UNC13A: variants seen among roughly 807,000 people sequenced by gnomAD.
The protein encoded by UNC13A is unc-13 homolog A, also known as protein unc-13 homolog A.
In UNC13A, 61 loss-of-function variants were observed where a neutral mutation model predicts 219.7. The observed-to-expected ratio is 0.28, with a 90% confidence interval of 0.23 to 0.34. UNC13A has a LOEUF of 0.34. UNC13A is among the 10% of genes least tolerant of loss of function. UNC13A has a pLI of 1.00. For missense variants in UNC13A, 1,476 were observed against 2,270.3 expected (o/e 0.65, Z 7.11); for synonymous variants, 920 against 884.6 (o/e 1.04, Z -0.71).
rs139711761 is a variant in UNC13A, at chr19:17,646,145, C to T, written c.2045-34G>A. On this transcript the variant is annotated intron_variant, in intron 17 of 43. Coordinates refer to ENST00000519716, the MANE Select transcript of UNC13A (RefSeq NM_001080421.3). ...CACAGAGGGCATACACAGGTGTGCA[C>T]TCAAGAAGCGAGGCATGCTGGGGAC... 9.0e-4 allele frequency: 1,442 copies of T among 1,610,018 alleles called. 11 individuals carry two copies. The African/African-American group carries it at 0.017, about 19-fold the overall frequency.
At chr19:17,613,542 C>T (rs543402505) in intron 41 of UNC13A, among the ~76,000 whole-genome samples, 1 of 152,218 alleles carries the variant, frequency 6.6e-6, no homozygotes, top group African/African-American at 2.4e-5. Flanking sequence ...CCTCTCCCCA[C>T]TCACCCCATT....
chr19:17,609,849 T>G (rs1371830279), intron 43 of UNC13A, 91 bp downstream of exon 43: 33 of 1,566,160 alleles, frequency 2.1e-5, no homozygotes, highest in Non-Finnish European at 2.9e-5. Context: ...GGGCCCAGAT[T>G]CCAGATACCT....
At position 17,666,732 on chromosome 19, in the gene UNC13A, C is replaced by T. The variant is rs765561925; in HGVS notation, c.469-28G>A. 1.7e-5 allele frequency: 25 copies of T among 1,488,532 alleles called. No individual in the cohort carries two copies. In the Admixed American group the frequency reaches 5.4e-4, roughly 32 times the overall value. The allele number at this position is 1,488,532 out of a possible 1,614,324, so 92.2% of individuals were successfully genotyped here. The stretch of plus-strand genomic sequence containing the variant: ...GAAGGGGTGGAGGAAGGAGAAAGGG[C>T]TTCTCTCAGAGGGGCCAAAGGCCAG... On this transcript the variant is annotated intron_variant, in intron 6 of 43. Coordinates refer to ENST00000519716, the MANE Select transcript of UNC13A (RefSeq NM_001080421.3).
Position 17,630,768 on chromosome 19 carries a change from G to T in UNC13A, c.3429-18C>A. On this transcript the variant is annotated intron_variant, in intron 28 of 43. Transcript: ENST00000519716. ...CAAACCATCTGGAATGAAGAGCCGGGGTGGGGCTCTGCCACCTCTTGTCCT... is the reference window on the plus strand; with the variant it reads ...CAAACCATCTGGAATGAAGAGCCGGTGTGGGGCTCTGCCACCTCTTGTCCT... 6.2e-7 allele frequency: 1 copy of T among 1,607,956 alleles called. No homozygotes were observed. The highest frequency in any genetic ancestry group is 8.5e-7 in the Non-Finnish European group (1 of 1,175,234).
chr19:17,623,253 C>G, intron 36 of UNC13A: 2 of 426,388 alleles, frequency 4.7e-6, no homozygotes, highest in Non-Finnish European at 8.3e-6. Context: ...TACCCTTAGA[C>G]GGCAGGTCCG....
At chr19:17,618,524 C>T (rs1555777193) in intron 39 of UNC13A, 23 bp from the exon 40 acceptor site, 1 of 1,572,692 alleles carries the variant, frequency 6.4e-7, no homozygotes, top group Non-Finnish European at 8.6e-7. Flanking sequence ...GGAGAGGGGC[C>T]ATGTGGGTGG....
In UNC13A at chr19:17,624,964, G is replaced by C. The variant is rs1341628990; in HGVS notation, c.4074-12C>G. On this transcript the variant is annotated splice_polypyrimidine_tract_variant and intron_variant, in intron 34 of 43. Transcript: ENST00000519716. ...CAAAGAGGGTCAGGCTGGGGACGAG[G>C]GGCAGGTCTGAGAGAGGGCCCAGCT... is the stretch of plus-strand genomic sequence containing the variant. 4.3e-6 allele frequency: 7 copies of C among 1,611,050 alleles called. No homozygotes were observed. The East Asian group carries it at 1.3e-4, about 31-fold the overall frequency.
intron 40 of UNC13A, 75 bp from the exon 41 acceptor site, chr19:17,617,924 G>A: frequency 6.4e-7 from 1 of 1,561,784 alleles, no homozygotes; most frequent in Non-Finnish European, 8.7e-7. Flanking sequence ...TAGCCCTGCT[G>A]TCCCCACTCC....
chr19:17,627,649 C>T lies in UNC13A; in HGVS notation c.3832-52G>A. 2.0e-6 allele frequency: 3 copies of T among 1,465,836 alleles called. No individual in the cohort carries two copies. Among genetic ancestry groups the T allele is most frequent in the South Asian group, 1.2e-5 (1 of 82,784 alleles). 90.8% of individuals were successfully genotyped at this position (1,465,836 alleles called of 1,614,324 possible). On this transcript the variant is annotated intron_variant, in intron 32 of 43. Coordinates refer to ENST00000519716, the MANE Select transcript of UNC13A (RefSeq NM_001080421.3). The surrounding 1 kb of genome is among the most constrained non-coding windows in gnomAD (Gnocchi z 4.7). ...CAGGTTCAGTAAGTATCCACATGTA[C>T]TGGGCATTTTCTCATCTGACCCAGG... is the stretch of plus-strand genomic sequence containing the variant.
intron 1 of UNC13A, among the ~76,000 whole-genome samples, chr19:17,686,391 G>T (rs1268344198): frequency 6.6e-6 from 1 of 151,298 alleles, no homozygotes; most frequent in East Asian, 2.0e-4. Context: ...ATGCTGGGGG[G>T]AGAAGAGAGA....
At position 17,672,361 on chromosome 19, in the gene UNC13A, G is replaced by A. The variant is rs995580586; in HGVS notation, c.270+17C>T. 2 of 1,609,898 alleles carry A rather than the reference G, an allele frequency of 1.2e-6. No homozygotes were observed. ...AGGCACTCCTCCTTCTTCACCCTCAGGCCACCCGCCACTCACCTCATTGGA... is the reference window on the plus strand; with the variant it reads ...AGGCACTCCTCCTTCTTCACCCTCAAGCCACCCGCCACTCACCTCATTGGA... On this transcript the variant is annotated intron_variant, in intron 4 of 43. Coordinates refer to ENST00000519716, the MANE Select transcript of UNC13A (RefSeq NM_001080421.3).
In UNC13A at chr19:17,649,401, A is replaced by G; in HGVS notation, c.1519-57T>C. The stretch of plus-strand genomic sequence containing the variant: ...AATCAGACTACATTAGTCTCAGAGA[A>G]TGCCTAGCTGGCCCCCAACCCCAGG... On this transcript the variant is annotated intron_variant, in intron 13 of 43. Transcript: ENST00000519716. This position sits in a 1 kb window ranked among gnomAD's most constrained non-coding sequence, Gnocchi z 4.4. The G allele has an allele frequency of 6.2e-7, 1 of 1,612,974 alleles. No homozygotes were observed. The highest frequency in any genetic ancestry group is 8.5e-7 in the Non-Finnish European group (1 of 1,179,674).
intron 8 of UNC13A, among the ~76,000 whole-genome samples, chr19:17,659,373 GTGGAGATTGC>G (rs1159286748): frequency 3.3e-5 from 5 of 152,108 alleles, no homozygotes; most frequent in African/African-American, 1.2e-4. Flanking sequence ...AACCCAGGAG[GTGGAGATTGC>G]TGTGAGCCAA....
At chr19:17,643,190 T>C (rs939238861) in intron 19 of UNC13A, among the ~76,000 whole-genome samples, 1 of 152,112 alleles carries the variant, frequency 6.6e-6, no homozygotes, top group African/African-American at 2.4e-5. Flanking sequence ...TTTTATACTT[T>C]TAGTAGAGAC....
intron 21 of UNC13A, among the ~76,000 whole-genome samples, chr19:17,641,028 G>C (rs1367873698): frequency 6.6e-6 from 1 of 151,732 alleles, no homozygotes; most frequent in African/African-American, 2.4e-5. Context: ...ACAGGCCCAA[G>C]CCACCACACC....
chr19:17,623,436 AGGAGGGGGCGCTGGGTGGGTGG>A, intron 36 of UNC13A, 84 bp downstream of exon 36: 1 of 627,038 alleles, frequency 1.6e-6, no homozygotes, highest in Non-Finnish European at 2.5e-6. Flanking sequence ...ATGGTGGGTG[AGGAGGGGGCGCTGGGTGGGTGG>A]GGAGAGGGGT....
At position 17,656,164 on chromosome 19, in the gene UNC13A, CTCCTCCAGGAAG is replaced by C; in HGVS notation, c.990_1001del (p.Asp330_Glu333del). ...CCTCCTCATCTTCAGGCAGCTCCTC[CTCCTCCAGGAAG>C]TCCTCCAGGTCCTCCTCCAGCTCTT... On this transcript the variant is annotated inframe_deletion, in exon 10 of 44. Coordinates refer to ENST00000519716, the MANE Select transcript of UNC13A (RefSeq NM_001080421.3). 2 of 1,552,326 alleles carry C rather than the reference CTCCTCCAGGAAG, an allele frequency of 1.3e-6. No individual in the cohort carries two copies. The highest frequency in any genetic ancestry group is 1.7e-6 in the Non-Finnish European group (2 of 1,147,158).
At chr19:17,612,765 G>C (rs534793941) in intron 41 of UNC13A, among the ~76,000 whole-genome samples, 7 of 152,224 alleles carry the variant, frequency 4.6e-5, no homozygotes, top group Admixed American at 4.6e-4. Context: ...GAACACTTGA[G>C]CTCAGAAGGG....
intron 24 of UNC13A, 74 bp from the exon 25 acceptor site, chr19:17,639,291 T>C: frequency 1.2e-6 from 2 of 1,600,836 alleles, no homozygotes; most frequent in South Asian, 1.1e-5. Flanking sequence ...GCGAGTCATT[T>C]TGGGTTTAAG....
Sources: gnomAD v4.1 joint callset for allele counts (sites outside exome capture counted in the v4.1 genomes callset) on GRCh38, gnomAD v4.1.1 for gene constraint, Gnocchi (gnomAD v3.1) non-coding constraint, MANE v1.5 for transcripts, NCBI Gene and HGNC (gene_info 2026-07-23, HGNC 2026-07-21) for gene names.